SPECC1L: variants seen among roughly 807,000 people sequenced by gnomAD.
The protein encoded by SPECC1L is cytospin-A.
In SPECC1L, 40 loss-of-function variants were observed where a neutral mutation model predicts 116.8. The ratio of observed to expected loss-of-function variants is 0.34; its 90% CI spans 0.27 to 0.45. SPECC1L has a LOEUF of 0.45. SPECC1L is among the 20% of genes least tolerant of loss of function. SPECC1L has a pLI of 1.00. For synonymous variants in SPECC1L, 504 were observed against 500.6 expected, an observed-to-expected ratio of 1.01 and a Z score of -0.09; for missense variants, 1,110 against 1,373.6, an observed-to-expected ratio of 0.81 and a Z score of 3.03.
intron 3 of SPECC1L, among the ~76,000 whole-genome samples, chr22:24,308,036 G>A (rs1432798341): frequency 2.0e-5 from 3 of 151,650 alleles, no homozygotes; most frequent in Non-Finnish European, 4.4e-5. Flanking sequence ...TCACTTCCCT[G>A]TATATACCAT....
chr22:24,288,728 C>T (rs1000222663), intron 2 of SPECC1L, among the ~76,000 whole-genome samples: 1 of 140,222 alleles, frequency 7.1e-6, no homozygotes, highest in African/African-American at 2.7e-5. Flanking sequence ...TGGGTTCAAG[C>T]GATTCTCCTG....
intron 14 of SPECC1L, among the ~76,000 whole-genome samples, chr22:24,389,131 T>TG (rs57563075): frequency 6.7e-6 from 1 of 149,742 alleles, no homozygotes; most frequent in Non-Finnish European, 1.5e-5. Context: ...TTTTTTTTTT[T>TG]GGAGACAGAG....
intron 2 of SPECC1L, among the ~76,000 whole-genome samples, chr22:24,289,921 A>G (rs2049125283): frequency 6.6e-6 from 1 of 152,190 alleles, no homozygotes; most frequent in African/African-American, 2.4e-5. Context: ...CAATGGCAAC[A>G]TCAACAAAGT....
At chr22:24,323,531 G>T (rs527822244) in intron 5 of SPECC1L, among the ~76,000 whole-genome samples, 4 of 152,288 alleles carry the variant, frequency 2.6e-5, no homozygotes, top group Non-Finnish European at 4.4e-5. Flanking sequence ...CTGGCATTCT[G>T]GCCAGGGATC....
chr22:24,315,432 T>C (rs538398446), intron 4 of SPECC1L, among the ~76,000 whole-genome samples: 58 of 152,396 alleles, frequency 3.8e-4, no homozygotes, highest in Middle Eastern at 6.8e-3. Context: ...TAAATATTTA[T>C]TGGGGATCTG....
chr22:24,342,508 T>G (rs2041197267), intron 10 of SPECC1L, among the ~76,000 whole-genome samples: 1 of 151,664 alleles, frequency 6.6e-6, no homozygotes, highest in African/African-American at 2.4e-5. Context: ...CCATCTCTAC[T>G]AAAACTACAA....
chr22:24,313,615 C>A, intron 4 of SPECC1L, 149 bp downstream of exon 4: 2 of 881,890 alleles, frequency 2.3e-6, no homozygotes, highest in Non-Finnish European at 3.6e-6. Flanking sequence ...ACGCTCATCA[C>A]CATTATCAAC....
chr22:24,319,177 A>G (rs748967575), intron 4 of SPECC1L, among the ~76,000 whole-genome samples: 1 of 152,194 alleles, frequency 6.6e-6, no homozygotes, highest in Non-Finnish European at 1.5e-5. Flanking sequence ...GCTGTAAAGA[A>G]CTGCCCCAGA....
At chr22:24,412,553 G>T (rs749244044) in intron 15 of SPECC1L, 95 bp from the exon 16 acceptor site, 2 of 1,140,672 alleles carry the variant, frequency 1.8e-6, no homozygotes, top group Non-Finnish European at 2.7e-6. Flanking sequence ...GGTGAGTGTC[G>T]TCCTTCAGAT....
At chr22:24,395,616 T>C (rs1348715323) in intron 14 of SPECC1L, among the ~76,000 whole-genome samples, 1 of 152,190 alleles carries the variant, frequency 6.6e-6, no homozygotes, top group Non-Finnish European at 1.5e-5. Context: ...ACTTTTTATC[T>C]CAATACTCTT....
intron 2 of SPECC1L, among the ~76,000 whole-genome samples, chr22:24,287,978 G>C (rs978602903): frequency 3.9e-5 from 6 of 152,162 alleles, no homozygotes; most frequent in African/African-American, 1.4e-4. Context: ...GTTCATCTCA[G>C]ATTTCATTCC....
chr22:24,315,792 C>A (rs1441844592), intron 4 of SPECC1L, among the ~76,000 whole-genome samples: 3 of 152,200 alleles, frequency 2.0e-5, no homozygotes, highest in Non-Finnish European at 2.9e-5. Context: ...TTTCTCAAAT[C>A]TGGAAGCCAG....
chr22:24,371,213 A>G (rs1490728550), intron 14 of SPECC1L, among the ~76,000 whole-genome samples: 1 of 152,216 alleles, frequency 6.6e-6, no homozygotes, highest in Non-Finnish European at 1.5e-5. Context: ...ATTATACAAC[A>G]CTGCACCCAA....
chr22:24,334,859 A>G (rs1027308309), intron 9 of SPECC1L, among the ~76,000 whole-genome samples: 6 of 152,156 alleles, frequency 3.9e-5, no homozygotes, highest in African/African-American at 1.4e-4. Context: ...TATGTTTTCT[A>G]TGCCTGAGAA....
At chr22:24,388,204 G>T (rs1416504642) in intron 14 of SPECC1L, among the ~76,000 whole-genome samples, 1 of 150,686 alleles carries the variant, frequency 6.6e-6, no homozygotes, top group Non-Finnish European at 1.5e-5. Flanking sequence ...TTAACATTAG[G>T]TATATCTCCT....
At chr22:24,405,592 C>T (rs2042573147) in intron 14 of SPECC1L, among the ~76,000 whole-genome samples, 1 of 152,122 alleles carries the variant, frequency 6.6e-6, no homozygotes, top group East Asian at 1.9e-4. Context: ...GTAATCCCAA[C>T]ATTTTGGGAG....
chr22:24,379,602 A>G (rs933343077), intron 14 of SPECC1L, among the ~76,000 whole-genome samples: 33 of 152,310 alleles, frequency 2.2e-4, no homozygotes, highest in African/African-American at 7.2e-4. Context: ...GCAGGGGGAA[A>G]TATGATATAG....
intron 14 of SPECC1L, among the ~76,000 whole-genome samples, chr22:24,402,528 A>G (rs372954903): frequency 5.3e-5 from 8 of 152,250 alleles, no homozygotes; most frequent in African/African-American, 1.9e-4. Context: ...CTCTTACCTC[A>G]TGAGGCTGGG....
intron 3 of SPECC1L, chr22:24,304,452 A>G (rs2049448938): frequency 6.6e-6 from 1 of 152,244 alleles, no homozygotes; most frequent in South Asian, 2.1e-4. Flanking sequence ...TGCTGCTCAC[A>G]GTGAGTTTTG....
Sources: gnomAD v4.1 joint callset for allele counts (sites outside exome capture counted in the v4.1 genomes callset) on GRCh38, gnomAD v4.1.1 for gene constraint, MANE v1.5 for transcripts, NCBI Gene and HGNC (gene_info 2026-07-23, HGNC 2026-07-21) for gene names.